EYS: variants seen among roughly 807,000 people sequenced by gnomAD.
EYS encodes the protein protein eyes shut homolog.
A neutral mutation model predicts 282.1 loss-of-function variants in EYS; 250 were observed. That is an observed-to-expected ratio of 0.89 (90% confidence interval 0.80 to 0.98). EYS has a LOEUF of 0.98. EYS is among the 50% of genes least tolerant of loss of function. EYS has a pLI of 0.00. For synonymous variants in EYS, 1,355 were observed against 1,282.9 expected (o/e 1.06, Z -1.20); for missense variants, 4,016 against 3,709.0 (o/e 1.08, Z -2.15).
chr6:64,675,428 C>CTTT (rs56346431), intron 22 of EYS, among the ~76,000 whole-genome samples: 4,014 of 114,608 alleles, frequency 0.035, 355 homozygotes, highest in African/African-American at 0.1. Context: ...CTTTTTTTTT[C>CTTT]TTTTTTTTTT....
chr6:64,259,654 A>G lies in EYS; in HGVS notation c.6192-28830T>C, dbSNP rs371911136. ...TCCCAGTACTTTTACACACGCGCAC[A>G]CACACACACACACACACACACAATC... On this transcript the variant is annotated intron_variant, in intron 30 of 42. Coordinates refer to ENST00000503581, the MANE Select transcript of EYS (RefSeq NM_001142800.2). Among the ~76,000 whole-genome samples the G allele has an allele frequency of 1.9e-3, 195 of 100,264 alleles. 1 individual carries two copies. Among genetic ancestry groups the G allele is most frequent in the African/African-American group, 6.5e-3 (170 of 26,170 alleles). The allele number at this position is 100,264 out of a possible 152,430, so 65.8% of individuals were successfully genotyped here. A position where few individuals can be genotyped will look rare whatever the true frequency, so the allele number is the denominator to read the frequency against.
chr6:63,872,680 T>C (rs2149713402), intron 35 of EYS, among the ~76,000 whole-genome samples: 1 of 152,170 alleles, frequency 6.6e-6, no homozygotes, highest in Non-Finnish European at 1.5e-5. Context: ...TGTTTTGCCA[T>C]GTTGGCCAGG....
At position 65,677,505 on chromosome 6, in the gene EYS, C is replaced by A. The variant is rs145705702; in HGVS notation, c.-448+29630G>T. ...GAAGAAAAAAATACTTGGGAATTAT[C>A]TTAACCAAGGGAATAAATGACTATA... On this transcript the variant is annotated intron_variant, in intron 1 of 42. Coordinates refer to ENST00000503581, the MANE Select transcript of EYS (RefSeq NM_001142800.2). Among the ~76,000 whole-genome samples the A allele has an allele frequency of 1.8e-4, 28 of 151,952 alleles. 1 individual carries two copies. The East Asian group carries it at 4.9e-3, about 26-fold the overall frequency.
chr6:63,746,628 T>C (rs1198308421), intron 41 of EYS, among the ~76,000 whole-genome samples: 1 of 152,220 alleles, frequency 6.6e-6, no homozygotes, highest in Non-Finnish European at 1.5e-5. Flanking sequence ...ATTCGTGGAC[T>C]CAACTTCTTC....
chr6:65,222,428 T>A (rs1325443966), intron 12 of EYS, among the ~76,000 whole-genome samples: 2 of 152,164 alleles, frequency 1.3e-5, no homozygotes, highest in Non-Finnish European at 2.9e-5. Flanking sequence ...CTCTCTTGCC[T>A]GCCATCATGT....
At chr6:63,900,945 T>C (rs1188143591) in intron 35 of EYS, among the ~76,000 whole-genome samples, 6 of 152,078 alleles carry the variant, frequency 3.9e-5, no homozygotes, top group Non-Finnish European at 8.8e-5. Context: ...GTTGCTACAA[T>C]ATATCATATA....
intron 31 of EYS, among the ~76,000 whole-genome samples, chr6:64,193,046 T>C (rs1765165649): frequency 6.6e-6 from 1 of 152,226 alleles, no homozygotes; most frequent in African/African-American, 2.4e-5. Flanking sequence ...AATTAATTTC[T>C]GGAAACAAAA....
At chr6:64,798,274 C>A (rs976353736) in intron 22 of EYS, among the ~76,000 whole-genome samples, 3 of 151,886 alleles carry the variant, frequency 2.0e-5, no homozygotes, top group Non-Finnish European at 4.4e-5. Flanking sequence ...TCCTTATCTT[C>A]TTTTTCATAA....
rs530631887 is a variant in EYS, at chr6:65,040,219, C to G, written c.2137+17395G>C. ...AAAACAACAAAAATTTATTGTTTCA[C>G]AGTTCTAAAAGCTAGACATCCAAGA... On this transcript the variant is annotated intron_variant, in intron 13 of 42. Coordinates refer to ENST00000503581, the MANE Select transcript of EYS (RefSeq NM_001142800.2). Among the ~76,000 whole-genome samples, 12 of 151,926 alleles carry G rather than the reference C, an allele frequency of 7.9e-5. No homozygotes were observed. The South Asian group carries it at 2.5e-3, about 31-fold the overall frequency.
chr6:64,258,915 C>A (rs1002973243), intron 30 of EYS, among the ~76,000 whole-genome samples: 1 of 151,942 alleles, frequency 6.6e-6, no homozygotes, highest in African/African-American at 2.4e-5. Context: ...TCAGGTAGAT[C>A]AATACTGTGA....
intron 11 of EYS, chr6:65,332,128 A>AT (rs563223498): frequency 6.5e-4 from 282 of 433,376 alleles, no homozygotes; most frequent in East Asian, 1.1e-3. Context: ...CATTCTTCTT[A>AT]TTTTTTTTTA....
chr6:65,442,493 G>GC (rs1768372529), intron 5 of EYS, among the ~76,000 whole-genome samples: 1 of 151,926 alleles, frequency 6.6e-6, no homozygotes, highest in African/African-American at 2.4e-5. Context: ...AGTGGTTCAT[G>GC]CCTGTAATCC....
rs746705563 is a variant in EYS, at chr6:65,637,296, C to A, written c.-333+2482G>T. ...TCACATTAATGAGTTATTTCCTCCA[C>A]AGAAAAAAGGAAAAAACTCAAATTT... On this transcript the variant is annotated intron_variant, in intron 2 of 42. Transcript: ENST00000503581. Among the ~76,000 whole-genome samples the A allele has an allele frequency of 3.9e-5, 6 of 152,060 alleles. 1 individual carries two copies.
At position 64,343,462 on chromosome 6, in the gene EYS, A is replaced by G. The variant is rs369404833; in HGVS notation, c.6079-36380T>C. 9.2e-5 allele frequency among the ~76,000 whole-genome samples: 14 copies of G among 152,084 alleles called. No individual in the cohort carries two copies. The South Asian group carries it at 1.7e-3, about 18-fold the overall frequency. On this transcript the variant is annotated intron_variant, in intron 29 of 42. Transcript: ENST00000503581. ...CAACCTGCTCCTGAATGACTACTGG[A>G]TACATAATGAAATGAAGGCAGAAAT...
intron 12 of EYS, among the ~76,000 whole-genome samples, chr6:65,236,187 G>A (rs556899948): frequency 4.1e-4 from 63 of 151,894 alleles, no homozygotes; most frequent in Non-Finnish European, 6.6e-4. Flanking sequence ...TAATATTACC[G>A]GAATTTCCAT....
intron 35 of EYS, among the ~76,000 whole-genome samples, chr6:63,922,119 C>T (rs143987453): frequency 2.9e-3 from 436 of 152,290 alleles, no homozygotes; most frequent in Middle Eastern, 0.01. Context: ...GCCATTCTGG[C>T]AACCTGACCT....
intron 5 of EYS, among the ~76,000 whole-genome samples, chr6:65,452,975 C>T (rs888441451): frequency 1.5e-4 from 23 of 151,870 alleles, no homozygotes; most frequent in African/African-American, 4.8e-4. Context: ...AGACAAGCTC[C>T]GTAAGGTTCT....
intron 5 of EYS, among the ~76,000 whole-genome samples, chr6:65,429,743 A>G (rs181305075): frequency 1.3e-5 from 2 of 151,978 alleles, no homozygotes; most frequent in Admixed American, 1.3e-4. Flanking sequence ...TTTTTTTCTT[A>G]TTTATGATGA....
At chr6:65,177,667 G>A (rs1765259987) in intron 12 of EYS, among the ~76,000 whole-genome samples, 1 of 151,638 alleles carries the variant, frequency 6.6e-6, no homozygotes. Context: ...TTCAGAGATG[G>A]CTTTAACCAG....
Sources: allele counts gnomAD v4.1 joint callset (sites outside exome capture counted in the v4.1 genomes callset), GRCh38; gene constraint gnomAD v4.1.1; transcripts MANE v1.5; gene names NCBI Gene and HGNC (gene_info 2026-07-23, HGNC 2026-07-21).